Variants in SRL observed in about 807,000 individuals in gnomAD.
SRL encodes the protein sarcalumenin.
SRL carries 23 observed loss-of-function variants against 39.5 expected under a neutral mutation model. That is an observed-to-expected ratio of 0.58 (90% confidence interval 0.42 to 0.82). SRL has a LOEUF of 0.82. SRL is among the 40% of genes least tolerant of loss of function. The pLI is 0.00. For missense variants in SRL, 592 were observed against 607.8 expected, an observed-to-expected ratio of 0.97 and a Z score of 0.27; for synonymous variants, 272 against 237.4, an observed-to-expected ratio of 1.15 and a Z score of -1.34.
rs192588890 is a variant in SRL at position 4,198,686 on chromosome 16, A to G, written c.260-771T>C. Reference sequence around the variant, plus strand: ...TGGTCTCAAACTTCTGGGCTCAAGCAATCTTCTCACTTGGCTCCCCAAAAT... The same window carrying G: ...TGGTCTCAAACTTCTGGGCTCAAGCGATCTTCTCACTTGGCTCCCCAAAAT... On this transcript the variant is annotated intron_variant, in intron 3 of 5. Transcript: ENST00000399609. 1.4e-4 allele frequency among the ~76,000 whole-genome samples: 22 copies of G among 152,212 alleles called. No homozygotes were observed. The East Asian group carries it at 3.7e-3, about 25-fold the overall frequency.
chr16:4,206,896 C>A (rs560825160), intron 1 of SRL: 1 of 456,610 alleles, frequency 2.2e-6, no homozygotes, highest in Non-Finnish European at 4.4e-6. Context: ...GGAAGCTCTG[C>A]ACCTTCCTGG....
chr16:4,210,486 CTTTT>C (rs555999418), intron 1 of SRL, among the ~76,000 whole-genome samples: 51 of 103,972 alleles, frequency 4.9e-4, no homozygotes, highest in East Asian at 1.8e-3. Flanking sequence ...TTACTCATAT[CTTTT>C]TTTTTTTTTT....
At chr16:4,210,893 T>A (rs2052384591) in intron 1 of SRL, among the ~76,000 whole-genome samples, 1 of 152,186 alleles carries the variant, frequency 6.6e-6, no homozygotes. Context: ...AGAGCCACAG[T>A]ATCCCCCGGG....
In SRL at chr16:4,205,637, C is replaced by T. The variant is rs547218813; in HGVS notation, c.62-1003G>A. On this transcript the variant is annotated intron_variant, in intron 1 of 5. Coordinates refer to ENST00000399609, the MANE Select transcript of SRL (RefSeq NM_001098814.2). ...AAAGCCCCAGACGAGCCTTATTTAGCAAGAAGCAGGAGAAGGGGTGTCTGG... is the reference window on the plus strand; with the variant it reads ...AAAGCCCCAGACGAGCCTTATTTAGTAAGAAGCAGGAGAAGGGGTGTCTGG... 6.6e-5 allele frequency among the ~76,000 whole-genome samples: 10 copies of T among 152,194 alleles called. No individual in the cohort carries two copies. The East Asian group carries it at 7.7e-4, about 12-fold the overall frequency.
chr16:4,234,160 T>A (rs188775625), intron 1 of SRL, among the ~76,000 whole-genome samples: 1 of 152,180 alleles, frequency 6.6e-6, no homozygotes, highest in East Asian at 1.9e-4. Context: ...ATCCAGCTAT[T>A]TTTAAAGTTT....
intron 1 of SRL, 113 bp from the exon 2 acceptor site, chr16:4,204,747 G>T: frequency 1.2e-6 from 1 of 830,114 alleles, no homozygotes; most frequent in Non-Finnish European, 2.0e-6. Context: ...ACAGGGTCTT[G>T]CCAAGTTACA....
At chr16:4,237,828 C>T (rs887645405) in intron 1 of SRL, among the ~76,000 whole-genome samples, 3 of 152,214 alleles carry the variant, frequency 2.0e-5, no homozygotes, top group Non-Finnish European at 2.9e-5. Flanking sequence ...TTCCCTCATC[C>T]GTAAAACCTT....
At chr16:4,196,253 C>T (rs1488495007) in intron 4 of SRL, among the ~76,000 whole-genome samples, 1 of 152,080 alleles carries the variant, frequency 6.6e-6, no homozygotes, top group Admixed American at 6.6e-5. Flanking sequence ...GGCCATTGCT[C>T]CTGGCCTAAA....
intron 1 of SRL, 59 bp downstream of exon 1, chr16:4,241,948 A>T (rs900931677): frequency 6.3e-7 from 1 of 1,597,690 alleles, no homozygotes; most frequent in African/African-American, 1.3e-5. Context: ...GTAGACAGAA[A>T]ACCTTGGAGG....
At chr16:4,205,404 A>G (rs1432236912) in intron 1 of SRL, among the ~76,000 whole-genome samples, 1 of 152,174 alleles carries the variant, frequency 6.6e-6, no homozygotes, top group Non-Finnish European at 1.5e-5. Flanking sequence ...CAAAAGAGGG[A>G]GACCCTGTCT....
intron 3 of SRL, among the ~76,000 whole-genome samples, chr16:4,201,690 C>T (rs1242988729): frequency 7.3e-6 from 1 of 136,618 alleles, no homozygotes; most frequent in Non-Finnish European, 1.6e-5. Flanking sequence ...GAGTCTTGCT[C>T]TGTTACCCAG....
Position 4,242,075 on chromosome 16 carries a change from G to T in SRL, c.-8C>A. 6.2e-7 allele frequency: 1 copy of T among 1,608,668 alleles called. No individual in the cohort carries two copies. Among genetic ancestry groups the T allele is most frequent in the South Asian group, 1.1e-5 (1 of 90,246 alleles). ...CAGGACCAGCGCCCTCATGGTGACT[G>T]CCAAGAGAGCCCAGCTGCTCCTCGC... On this transcript the variant is annotated 5_prime_UTR_variant, in exon 1 of 6. Transcript: ENST00000399609.
intron 3 of SRL, 98 bp downstream of exon 3, chr16:4,203,068 G>A (rs1295597521): frequency 1.9e-6 from 2 of 1,035,150 alleles, no homozygotes; most frequent in African/African-American, 1.6e-5. Context: ...AACCTGTGTG[G>A]GTACCGGGAG....
intron 1 of SRL, among the ~76,000 whole-genome samples, chr16:4,212,863 C>A (rs962302846): frequency 6.6e-6 from 1 of 152,216 alleles, no homozygotes; most frequent in Non-Finnish European, 1.5e-5. Context: ...CAGGCCCAGG[C>A]TCAGTCCCTC....
intron 1 of SRL, among the ~76,000 whole-genome samples, chr16:4,222,474 C>T (rs1167439302): frequency 1.3e-5 from 2 of 152,156 alleles, no homozygotes; most frequent in African/African-American, 2.4e-5. Context: ...GGGGTTTTGC[C>T]ATGTTGCCCA....
At chr16:4,230,658 G>T (rs1361322996) in intron 1 of SRL, among the ~76,000 whole-genome samples, 2 of 151,974 alleles carry the variant, frequency 1.3e-5, no homozygotes, top group Non-Finnish European at 2.9e-5. Context: ...AAAGTGCTGG[G>T]ATTACAGGTG....
intron 1 of SRL, among the ~76,000 whole-genome samples, 171 bp downstream of exon 1, chr16:4,241,836 C>G (rs1419299510): frequency 3.3e-5 from 5 of 152,248 alleles, no homozygotes; most frequent in Non-Finnish European, 5.9e-5. Flanking sequence ...CAGCACCCAG[C>G]TCTTTCTCTG....
In SRL at chr16:4,192,263, C is replaced by T; in HGVS notation, c.1312G>A (p.Glu438Lys). The change falls in exon 6 of 6, where the codon GAG becomes AAG. Residue 438 changes from glutamate (E) to lysine (K), a missense_variant. Transcript: ENST00000399609. The surrounding 1 kb of genome is among the most constrained non-coding windows in gnomAD (Gnocchi z 4.0). Reference protein sequence around the residue: ...LEKIERAITQELPGLLGSLGL... With the variant: ...LEKIERAITQKLPGLLGSLGL... The stretch of plus-strand genomic sequence containing the variant: ...AGGCTACCCAGGAGGCCCGGAAGCT[C>T]CTGAGTGATGGCCCGCTCAATCTTC... 1.9e-6 allele frequency: 3 copies of T among 1,614,094 alleles called. No homozygotes were observed. Among genetic ancestry groups the T allele is most frequent in the Non-Finnish European group, 2.5e-6 (3 of 1,179,984 alleles).
chr16:4,221,709 T>C (rs1266892280), intron 1 of SRL, among the ~76,000 whole-genome samples: 2 of 152,180 alleles, frequency 1.3e-5, no homozygotes, highest in Non-Finnish European at 2.9e-5. Flanking sequence ...TGTAAAACAA[T>C]GGAAATGTGT....
Sources: allele counts gnomAD v4.1 joint callset (sites outside exome capture counted in the v4.1 genomes callset), GRCh38; gene constraint gnomAD v4.1.1; non-coding constraint Gnocchi (gnomAD v3.1); transcripts MANE v1.5; gene names NCBI Gene and HGNC (gene_info 2026-07-23, HGNC 2026-07-21).